KIF16B: variants seen among roughly 807,000 people sequenced by gnomAD.
The protein encoded by KIF16B is kinesin-like protein KIF16B.
In KIF16B, 98 loss-of-function variants were observed where a neutral mutation model predicts 156.3. The ratio of observed to expected loss-of-function variants is 0.63; its 90% CI spans 0.53 to 0.74. KIF16B has a LOEUF of 0.74. Among genes scored for constraint, KIF16B ranks in the 30% least tolerant of loss-of-function variants. KIF16B has a pLI of 0.00. For missense variants in KIF16B, 1,421 were observed against 1,606.5 expected (o/e 0.88, Z 1.97); for synonymous variants, 564 against 583.7 (o/e 0.97, Z 0.49).
At chr20:16,381,450 A>C (rs1252213762) in intron 18 of KIF16B, among the ~76,000 whole-genome samples, 1 of 151,336 alleles carries the variant, frequency 6.6e-6, no homozygotes, top group Non-Finnish European at 1.5e-5. Context: ...TTGCCTACTG[A>C]CTCTATTTCC....
At chr20:16,285,247 T>C (rs2031978) in intron 25 of KIF16B, among the ~76,000 whole-genome samples, 61,378 of 151,944 alleles carry the variant, frequency 0.4, 12,410 homozygotes, top group Non-Finnish European at 0.43. Flanking sequence ...GTTCTGAGCA[T>C]AGAGTATGCA....
intron 19 of KIF16B, among the ~76,000 whole-genome samples, chr20:16,377,858 C>T (rs2064991988): frequency 6.6e-6 from 1 of 152,124 alleles, no homozygotes; most frequent in Non-Finnish European, 1.5e-5. Context: ...AGTATGGTGA[C>T]AGAAAATAGG....
At chr20:16,307,752 G>A (rs34543355) in intron 25 of KIF16B, among the ~76,000 whole-genome samples, 9,127 of 152,054 alleles carry the variant, frequency 0.06, 406 homozygotes, top group African/African-American at 0.13. Context: ...CAAAGTACTG[G>A]TAAGTGATGG....
intron 3 of KIF16B, 83 bp downstream of exon 3, chr20:16,526,009 G>T: frequency 1.3e-6 from 1 of 750,684 alleles, no homozygotes; most frequent in Non-Finnish European, 2.1e-6. Context: ...AAATTGGCAA[G>T]ATATTTTAAA....
intron 25 of KIF16B, among the ~76,000 whole-genome samples, chr20:16,295,457 C>A (rs2063371498): frequency 6.6e-6 from 1 of 150,988 alleles, no homozygotes; most frequent in Non-Finnish European, 1.5e-5. Context: ...TAGCTATAAT[C>A]CATATTAGTA....
At chr20:16,498,290 G>A (rs186787539) in intron 10 of KIF16B, among the ~76,000 whole-genome samples, 149 of 152,194 alleles carry the variant, frequency 9.8e-4, no homozygotes, top group South Asian at 2.3e-3. Flanking sequence ...GGCTTAAACT[G>A]CACTCTTAAC....
At chr20:16,467,795 C>A (rs1481450973) in intron 12 of KIF16B, among the ~76,000 whole-genome samples, 1 of 151,292 alleles carries the variant, frequency 6.6e-6, no homozygotes, top group Non-Finnish European at 1.5e-5. Flanking sequence ...AAAGAGACAA[C>A]ACTGGAAAAG....
intron 24 of KIF16B, among the ~76,000 whole-genome samples, chr20:16,320,399 G>A (rs549734477): frequency 6.6e-6 from 1 of 152,130 alleles, no homozygotes; most frequent in South Asian, 2.1e-4. Flanking sequence ...CAGTGCCTCT[G>A]CACCCTCCTT....
intron 22 of KIF16B, chr20:16,368,690 C>G (rs2064739970): frequency 1.0e-6 from 1 of 985,830 alleles, no homozygotes; most frequent in African/African-American, 1.7e-5. Flanking sequence ...CCTTGCTGCT[C>G]ACTATAAAAC....
chr20:16,306,478 T>C (rs1436609169), intron 25 of KIF16B, among the ~76,000 whole-genome samples: 3 of 152,168 alleles, frequency 2.0e-5, no homozygotes, highest in Admixed American at 2.0e-4. Flanking sequence ...CAGAAAGTCA[T>C]TTTTATTTTT....
At chr20:16,296,663 T>C (rs2063391308) in intron 25 of KIF16B, among the ~76,000 whole-genome samples, 1 of 152,222 alleles carries the variant, frequency 6.6e-6, no homozygotes, top group African/African-American at 2.4e-5. Context: ...GGTGGGATTG[T>C]AATTGGGATT....
At chr20:16,398,087 G>A (rs907195261) in intron 17 of KIF16B, among the ~76,000 whole-genome samples, 4 of 152,194 alleles carry the variant, frequency 2.6e-5, no homozygotes, top group Non-Finnish European at 5.9e-5. Context: ...AAATGCCTGC[G>A]AGAGGATACA....
At chr20:16,492,390 T>C (rs1465585054) in intron 12 of KIF16B, among the ~76,000 whole-genome samples, 1 of 152,116 alleles carries the variant, frequency 6.6e-6, no homozygotes, top group Non-Finnish European at 1.5e-5. Context: ...GCACAAATAC[T>C]AGCAGAAAAG....
At chr20:16,498,891 CA>C (rs934216398) in intron 10 of KIF16B, among the ~76,000 whole-genome samples, 4 of 131,302 alleles carry the variant, frequency 3.0e-5, no homozygotes, top group Non-Finnish European at 5.5e-5. Flanking sequence ...TCTCATCAAA[CA>C]AAAACACCCA....
intron 10 of KIF16B, among the ~76,000 whole-genome samples, chr20:16,504,149 C>A (rs1266465941): frequency 6.6e-6 from 1 of 152,134 alleles, no homozygotes; most frequent in African/African-American, 2.4e-5. Flanking sequence ...GAGAGTTAAT[C>A]ATTTCAGGTT....
chr20:16,491,298 C>T (rs750082061), intron 12 of KIF16B, among the ~76,000 whole-genome samples: 38 of 152,210 alleles, frequency 2.5e-4, no homozygotes, highest in South Asian at 1.7e-3. Flanking sequence ...AAGAACTGTG[C>T]TAGGACAGAT....
chr20:16,451,761 A>C (rs957845773), intron 12 of KIF16B, among the ~76,000 whole-genome samples: 2 of 149,622 alleles, frequency 1.3e-5, no homozygotes, highest in African/African-American at 4.9e-5. Flanking sequence ...TTGTAGAAAT[A>C]CTGGGGACCA....
intron 24 of KIF16B, among the ~76,000 whole-genome samples, chr20:16,335,577 A>T (rs2064021130): frequency 6.6e-6 from 1 of 152,244 alleles, no homozygotes; most frequent in African/African-American, 2.4e-5. Flanking sequence ...AAGTTATTTT[A>T]ATTTTAATAG....
chr20:16,455,407 C>T (rs1013906899), intron 12 of KIF16B, among the ~76,000 whole-genome samples: 5 of 151,796 alleles, frequency 3.3e-5, no homozygotes, highest in Non-Finnish European at 5.9e-5. Flanking sequence ...AAACATTATC[C>T]TGCCCTTTCA....
Sources: allele counts gnomAD v4.1 joint callset (sites outside exome capture counted in the v4.1 genomes callset), GRCh38; gene constraint gnomAD v4.1.1; transcripts MANE v1.5; gene names NCBI Gene and HGNC (gene_info 2026-07-23, HGNC 2026-07-21).